The following LAPTM4B variants were observed in gnomAD, a reference collection of about 807,000 sequenced individuals.
LAPTM4B encodes lysosomal protein transmembrane 4 beta, also known as lysosomal-associated transmembrane protein 4B.
A neutral mutation model predicts 28.5 loss-of-function variants in LAPTM4B; 26 were observed. The observed-to-expected ratio is 0.91, with a 90% CI of 0.67 to 1.27. The LOEUF (loss-of-function observed/expected upper bound fraction) is 1.27. Ranked by LOEUF, LAPTM4B falls within the 50% of genes most tolerant of loss-of-function variation. LAPTM4B has a pLI of 0.00. For synonymous variants in LAPTM4B, 109 were observed against 106.4 expected, an observed-to-expected ratio of 1.02 and a Z score of -0.15; for missense variants, 288 against 285.8, an observed-to-expected ratio of 1.01 and a Z score of -0.06.
At chr8:97,844,783 T>C (rs2513971) in intron 6 of LAPTM4B, among the ~76,000 whole-genome samples, 109,970 of 152,098 alleles carry the variant, frequency 0.72, 40,438 homozygotes, top group African/African-American at 0.86. Context: ...TTGCAACTCA[T>C]CTGCCAGCTG....
intron 5 of LAPTM4B, among the ~76,000 whole-genome samples, chr8:97,823,698 G>GTT (rs752570648): frequency 4.1e-5 from 4 of 96,400 alleles, no homozygotes; most frequent in South Asian, 3.7e-4. Flanking sequence ...TATTTATTTA[G>GTT]TTTTTTTTTT....
chr8:97,802,093 T>C (rs1816692732), intron 1 of LAPTM4B, among the ~76,000 whole-genome samples: 1 of 152,170 alleles, frequency 6.6e-6, no homozygotes, highest in Non-Finnish European at 1.5e-5. Context: ...TGTGGAGATG[T>C]CACTGGAAAG....
intron 1 of LAPTM4B, among the ~76,000 whole-genome samples, chr8:97,795,308 T>A (rs1816564905): frequency 6.6e-6 from 1 of 152,192 alleles, no homozygotes; most frequent in South Asian, 2.1e-4. Flanking sequence ...CAGGCTAGTC[T>A]TGAACTCCTG....
chr8:97,777,401 C>T (rs1816239338), intron 1 of LAPTM4B, among the ~76,000 whole-genome samples: 1 of 151,986 alleles, frequency 6.6e-6, no homozygotes. Context: ...CCGCCTTGGA[C>T]TCCCAAAGTG....
intron 6 of LAPTM4B, among the ~76,000 whole-genome samples, chr8:97,838,245 G>T (rs559403796): frequency 6.6e-6 from 1 of 152,296 alleles, no homozygotes; most frequent in East Asian, 1.9e-4. Flanking sequence ...GTAACACCTT[G>T]AACGTCATCT....
chr8:97,804,174 G>T (rs1238985968), intron 1 of LAPTM4B, among the ~76,000 whole-genome samples: 1 of 152,154 alleles, frequency 6.6e-6, no homozygotes, highest in East Asian at 1.9e-4. Context: ...GAGCCCAGGA[G>T]TTTGAGGCCA....
At chr8:97,823,715 G>T (rs1200943733) in intron 5 of LAPTM4B, among the ~76,000 whole-genome samples, 716 of 27,910 alleles carry the variant, frequency 0.026, 3 homozygotes, top group African/African-American at 0.073. Flanking sequence ...TTTTTTTTTC[G>T]GAGATGGAGT....
intron 6 of LAPTM4B, among the ~76,000 whole-genome samples, chr8:97,826,618 C>A (rs1337546989): frequency 6.6e-6 from 1 of 152,038 alleles, no homozygotes; most frequent in Non-Finnish European, 1.5e-5. Flanking sequence ...AAGTGATTCT[C>A]CTGCCTCAGC....
rs1220815524 is a variant in LAPTM4B, at chr8:97,805,410, T to C, written c.157T>C (p.Tyr53His). 3 of 1,612,178 alleles carry C rather than the reference T, an allele frequency of 1.9e-6. No homozygotes were observed. The highest frequency in any genetic ancestry group is 4.5e-5 in the East Asian group (2 of 44,808). The stretch of plus-strand genomic sequence containing the variant: ...GAGTGCCCTGGCTGATCCGGATCAG[T>C]ATAACTTTTCAAGTTCTGAACTGGG... ...LLSALADPDQ[Y>H]NFSSSELGGD... The change falls in exon 2 of 7, where the codon TAT (tyrosine) becomes CAT (histidine). Residue 53 changes from tyrosine (Y) to histidine (H), a missense_variant. Physicochemically the swap from Tyr to His is moderately conservative, Grantham distance 83. Transcript: ENST00000521545.
intron 1 of LAPTM4B, 29 bp from the exon 2 acceptor site, chr8:97,805,324 C>CT (rs386413439): frequency 0.076 from 63,622 of 832,292 alleles, 2,181 homozygotes; most frequent in African/African-American, 0.25. Flanking sequence ...TACTTAAATT[C>CT]TTTTTTTTTT....
chr8:97,798,753 T>C (rs1816628570), intron 1 of LAPTM4B, among the ~76,000 whole-genome samples: 1 of 152,026 alleles, frequency 6.6e-6, no homozygotes, highest in East Asian at 1.9e-4. Flanking sequence ...CAGAAAGGCA[T>C]GTAAGTATCT....
chr8:97,818,548 G>C (rs1001420058), intron 4 of LAPTM4B, among the ~76,000 whole-genome samples: 1 of 152,194 alleles, frequency 6.6e-6, no homozygotes, highest in Non-Finnish European at 1.5e-5. Flanking sequence ...ATTGTGGATG[G>C]TAGTGCTTGA....
intron 1 of LAPTM4B, among the ~76,000 whole-genome samples, chr8:97,788,950 TC>T (rs2129735885): frequency 6.6e-6 from 1 of 152,126 alleles, no homozygotes; most frequent in East Asian, 1.9e-4. Flanking sequence ...CACCTCAGCC[TC>T]CCAAAGTGCT....
chr8:97,830,353 C>T (rs1470697530), intron 6 of LAPTM4B, among the ~76,000 whole-genome samples: 1 of 152,034 alleles, frequency 6.6e-6, no homozygotes, highest in Non-Finnish European at 1.5e-5. Flanking sequence ...CCTATCCACT[C>T]TAGGAGAGAG....
In LAPTM4B at chr8:97,776,021, C is replaced by T. The variant is rs139850434; in HGVS notation, c.12C>T (p.Val4=). ...CTGCGCCCGGAGCGATGAAGATGGT[C>T]GCGCCCTGGACGCGGTTCTACTCCA... MKM[V]APWTRFYSNS... The change falls in exon 1 of 7, where the codon GTC becomes GTT. Residue 4 remains valine (V), a synonymous_variant. Transcript: ENST00000521545. 121 of 1,578,780 alleles carry T rather than the reference C, an allele frequency of 7.7e-5. No individual in the cohort carries two copies. The highest frequency in any genetic ancestry group is 9.8e-5 in the Non-Finnish European group (114 of 1,167,012).
chr8:97,850,484 G>GTGTGTGTGTGTGTGTATGTGTGTA (rs1216522355), intron 6 of LAPTM4B, among the ~76,000 whole-genome samples: 1 of 151,462 alleles, frequency 6.6e-6, no homozygotes, highest in Non-Finnish European at 1.5e-5. Flanking sequence ...GTGTGTGTGT[G>GTGTGTGTGTGTGTGTATGTGTGTA]TGTGTTTGGG....
intron 1 of LAPTM4B, 69 bp from the exon 2 acceptor site, chr8:97,805,284 T>G: frequency 2.2e-6 from 2 of 909,802 alleles, no homozygotes; most frequent in Non-Finnish European, 3.5e-6. Flanking sequence ...GTCAGTGTAA[T>G]TTTCTATTAT....
intron 6 of LAPTM4B, among the ~76,000 whole-genome samples, chr8:97,830,823 G>T (rs991752995): frequency 2.0e-5 from 3 of 152,114 alleles, no homozygotes; most frequent in Non-Finnish European, 4.4e-5. Context: ...GTCTTTATAT[G>T]GCTGGGTATC....
At position 97,776,030 on chromosome 8, in the gene LAPTM4B, G is replaced by A. The variant is rs1816203429; in HGVS notation, c.21G>A (p.Trp7Ter). MKMVAPWTRFYSNSCCL... is the reference protein window; with the variant it reads MKMVAP ...GAGCGATGAAGATGGTCGCGCCCTG[G>A]ACGCGGTTCTACTCCAACAGCTGCT... The change falls in exon 1 of 7, where the codon TGG (tryptophan) becomes TGA (stop). Residue 7 changes from tryptophan to a stop codon, truncating the protein, a stop_gained. Transcript: ENST00000521545. LOFTEE classifies it high-confidence loss of function. 2 of 1,581,136 alleles carry A rather than the reference G, an allele frequency of 1.3e-6. No individual in the cohort carries two copies. Among genetic ancestry groups the A allele is most frequent in the Non-Finnish European group, 1.7e-6 (2 of 1,167,794 alleles).
Sources: gnomAD v4.1 joint callset for allele counts (sites outside exome capture counted in the v4.1 genomes callset) on GRCh38, gnomAD v4.1.1 for gene constraint, MANE v1.5 for transcripts, NCBI Gene and HGNC (gene_info 2026-07-23, HGNC 2026-07-21) for gene names.